Variants in EXOC6B observed in about 807,000 individuals in gnomAD.
EXOC6B encodes the protein SEC15 homolog B.
Under a neutral mutation model 113.5 loss-of-function variants are expected in EXOC6B, and 54 were observed. The ratio of observed to expected loss-of-function variants is 0.48; its 90% CI spans 0.38 to 0.60. EXOC6B has a LOEUF of 0.60. Ranked by LOEUF, EXOC6B falls within the 20% of genes least tolerant of loss-of-function variation. EXOC6B has a pLI of 0.00. For synonymous variants in EXOC6B, 357 were observed against 339.0 expected, an observed-to-expected ratio of 1.05 and a Z score of -0.58; for missense variants, 797 against 977.5, an observed-to-expected ratio of 0.82 and a Z score of 2.46.
At chr2:72,801,724 ACC>A (rs1685284494) in intron 1 of EXOC6B, among the ~76,000 whole-genome samples, 1 of 152,096 alleles carries the variant, frequency 6.6e-6, no homozygotes. Context: ...AGAACTAAGG[ACC>A]CTCTCTCCAT....
intron 1 of EXOC6B, among the ~76,000 whole-genome samples, chr2:72,750,419 T>C (rs1254585050): frequency 6.6e-6 from 1 of 152,060 alleles, no homozygotes; most frequent in African/African-American, 2.4e-5. Flanking sequence ...ATCTCTCTAA[T>C]CACCTCTGAC....
chr2:72,259,277 A>G (rs574222683), intron 20 of EXOC6B, among the ~76,000 whole-genome samples: 29 of 152,370 alleles, frequency 1.9e-4, no homozygotes, highest in Non-Finnish European at 3.4e-4. Flanking sequence ...CACATAAACA[A>G]GATCATACAG....
At chr2:72,773,095 G>T (rs1453886267) in intron 1 of EXOC6B, among the ~76,000 whole-genome samples, 2 of 143,192 alleles carry the variant, frequency 1.4e-5, no homozygotes, top group Admixed American at 6.9e-5. Flanking sequence ...ATTTAAATTT[G>T]CTAAGACAGT....
chr2:72,719,660 AGCATAACCTCTAACCAATCATTAGCT>A (rs1293982084), intron 5 of EXOC6B, among the ~76,000 whole-genome samples: 1 of 152,222 alleles, frequency 6.6e-6, no homozygotes, highest in Admixed American at 6.5e-5. Flanking sequence ...AGTTTGTTTG[AGCATAACCTCTAACCAATCATTAGCT>A]GATGACTATT....
intron 18 of EXOC6B, among the ~76,000 whole-genome samples, chr2:72,395,582 A>G (rs1038230148): frequency 2.0e-5 from 3 of 152,148 alleles, no homozygotes; most frequent in African/African-American, 4.8e-5. Flanking sequence ...TAACCTCAAT[A>G]TGGGAGAATG....
rs193077686 is a variant in EXOC6B at position 72,378,665 on chromosome 2, C to A, written c.2122+1064G>T. ...GCACTGCCAATAAAACCTTAATTTC[C>A]ATACATCAAAAGTCAACCAAAGGAA... is the stretch of plus-strand genomic sequence containing the variant. On this transcript the variant is annotated intron_variant, in intron 19 of 21. Transcript: ENST00000272427. 1.2e-4 allele frequency among the ~76,000 whole-genome samples: 19 copies of A among 152,186 alleles called. No homozygotes were observed. The East Asian group carries it at 3.5e-3, about 28-fold the overall frequency.
chr2:72,682,342 G>A, intron 6 of EXOC6B, among the ~76,000 whole-genome samples: 1 of 152,148 alleles, frequency 6.6e-6, no homozygotes, highest in East Asian at 1.9e-4. Flanking sequence ...CCCAGGAGTT[G>A]AGGATCACAA....
intron 7 of EXOC6B, among the ~76,000 whole-genome samples, chr2:72,560,013 A>G (rs1015350635): frequency 9.2e-5 from 14 of 152,242 alleles, no homozygotes; most frequent in African/African-American, 3.4e-4. Flanking sequence ...TTAAGTCAAC[A>G]TGCAATCAAA....
intron 20 of EXOC6B, among the ~76,000 whole-genome samples, chr2:72,216,091 C>G (rs1191426087): frequency 6.6e-6 from 1 of 151,698 alleles, no homozygotes; most frequent in Non-Finnish European, 1.5e-5. Flanking sequence ...AAACGATCAC[C>G]GAGAATGGAA....
In EXOC6B at chr2:72,656,230, G is replaced by A. The variant is rs763828825; in HGVS notation, c.669+61873C>T. Among the ~76,000 whole-genome samples the A allele has an allele frequency of 1.8e-4, 27 of 152,134 alleles. No individual in the cohort carries two copies. In the South Asian group the frequency reaches 2.5e-3, roughly 14 times the overall value. On this transcript the variant is annotated intron_variant, in intron 6 of 21. Transcript: ENST00000272427. Reference sequence around the variant, plus strand: ...AAAACTAATAGAACACAAAGCCCACGAACAGCCGAAGTAAATAAAAGTAGC... The same window carrying A: ...AAAACTAATAGAACACAAAGCCCACAAACAGCCGAAGTAAATAAAAGTAGC...
rs1458402814 is a variant in EXOC6B at position 72,184,167 on chromosome 2, C to G, written c.2217G>C (p.Gln739His). The G allele has an allele frequency of 6.4e-7, 1 of 1,554,772 alleles. No individual in the cohort carries two copies. The highest frequency in any genetic ancestry group is 8.7e-7 in the Non-Finnish European group (1 of 1,148,004). Reference sequence around the variant, plus strand: ...CAGCAAGGTAGGTTGACCAATCCCACTGGATGAAAAGATCCAAAAGCTGTA... The same window carrying G: ...CAGCAAGGTAGGTTGACCAATCCCAGTGGATGAAAAGATCCAAAAGCTGTA... ...DLRQLLDLFI[Q>H]WDWSTYLADY... The change falls in exon 21 of 22, where the codon CAG becomes CAC. Residue 739 changes from glutamine (Q) to histidine (H), a missense_variant. Coordinates refer to ENST00000272427, the MANE Select transcript of EXOC6B (RefSeq NM_015189.3).
chr2:72,391,856 C>A lies in EXOC6B; in HGVS notation c.1981-11986G>T, dbSNP rs185688385. On this transcript the variant is annotated intron_variant, in intron 18 of 21. Transcript: ENST00000272427. ...AGGAATTTAAGTCCAGCCTGAGCAA[C>A]ATAGTGAGACTCAAATCTCTTTTAT... 3.2e-3 allele frequency among the ~76,000 whole-genome samples: 486 copies of A among 152,236 alleles called. 3 individuals carry two copies. The highest frequency in any genetic ancestry group is 0.011 in the African/African-American group (457 of 41,550).
At chr2:72,512,225 T>A (rs891414701) in intron 11 of EXOC6B, among the ~76,000 whole-genome samples, 6 of 151,962 alleles carry the variant, frequency 3.9e-5, no homozygotes, top group African/African-American at 1.4e-4. Context: ...TCTCTTCCAA[T>A]CAAAATATAA....
intron 19 of EXOC6B, among the ~76,000 whole-genome samples, chr2:72,347,213 C>T (rs1298198452): frequency 1.3e-5 from 2 of 152,252 alleles, no homozygotes; most frequent in Admixed American, 6.6e-5. Context: ...CAAGGCCTCT[C>T]CCAGTTGGCA....
At chr2:72,524,233 T>C (rs896666843) in intron 8 of EXOC6B, among the ~76,000 whole-genome samples, 1 of 151,304 alleles carries the variant, frequency 6.6e-6, no homozygotes, top group Admixed American at 6.6e-5. Context: ...TACAGCCCCA[T>C]AATGATGTTC....
At position 72,335,033 on chromosome 2, in the gene EXOC6B, A is replaced by G. The variant is rs1688613595; in HGVS notation, c.2123-13T>C. ...GATCTGGCAAACTCTGTGGGAAAGA[A>G]AAGAGGATAAAAAGCGCCTTTAACT... On this transcript the variant is annotated splice_polypyrimidine_tract_variant and intron_variant, in intron 19 of 21. Transcript: ENST00000272427. 1 of 1,610,260 alleles carries G rather than the reference A, an allele frequency of 6.2e-7. No homozygotes were observed. The highest frequency in any genetic ancestry group is 1.1e-5 in the South Asian group (1 of 91,048).
chr2:72,190,667 A>G (rs1196954624), intron 20 of EXOC6B, among the ~76,000 whole-genome samples: 1 of 152,012 alleles, frequency 6.6e-6, no homozygotes, highest in Non-Finnish European at 1.5e-5. Flanking sequence ...GTATTTTCTT[A>G]TATCTTCCTC....
Position 72,514,617 on chromosome 2 carries a change from T to TATAC in EXOC6B, c.1046+16_1046+17insGTAT, listed in dbSNP as rs1553432052. On this transcript the variant is annotated intron_variant, in intron 10 of 21. Transcript: ENST00000272427. Reference sequence around the variant, plus strand: ...AAATAAATAAATAAATATATATATATATATATATATACCTACCCTACAATT... The same window carrying TATAC: ...AAATAAATAAATAAATATATATATATATACATATATATATACCTACCCTACAATT... 704 of 393,210 alleles carry TATAC rather than the reference T, an allele frequency of 1.8e-3. 10 individuals carry two copies. Among genetic ancestry groups the TATAC allele is most frequent in the African/African-American group, 0.015 (672 of 44,718 alleles). 24.4% of individuals were successfully genotyped at this position (393,210 alleles called of 1,614,324 possible).
At chr2:72,181,428 C>G (rs1678084584) in intron 21 of EXOC6B, among the ~76,000 whole-genome samples, 1 of 152,164 alleles carries the variant, frequency 6.6e-6, no homozygotes, top group South Asian at 2.1e-4. Context: ...TTCCCTAACA[C>G]ACTAGTTGCA....
Sources: gnomAD v4.1 joint callset for allele counts (sites outside exome capture counted in the v4.1 genomes callset) on GRCh38, gnomAD v4.1.1 for gene constraint, MANE v1.5 for transcripts, NCBI Gene and HGNC (gene_info 2026-07-23, HGNC 2026-07-21) for gene names.